PI4KB: variants seen among roughly 807,000 people sequenced by gnomAD.
The protein encoded by PI4KB is PtdIns 4-kinase beta.
A neutral mutation model predicts 81.4 loss-of-function variants in PI4KB; 23 were observed. The observed-to-expected ratio is 0.28, with a 90% CI of 0.20 to 0.40. PI4KB has a LOEUF of 0.40. Among genes scored for constraint, PI4KB ranks in the 10% least tolerant of loss-of-function variants. The pLI is 1.00. For synonymous variants in PI4KB, 381 were observed against 406.8 expected (o/e 0.94, Z 0.76); for missense variants, 651 against 1,036.6 (o/e 0.63, Z 5.11).
At chr1:151,307,521 C>A (rs1206833494) in intron 4 of PI4KB, 53 bp downstream of exon 4, 1 of 1,244,746 alleles carries the variant, frequency 8.0e-7, no homozygotes, top group East Asian at 2.4e-5. Context: ...CTCTGAACAA[C>A]CATGGGTGAA....
In PI4KB at chr1:151,292,823, C is replaced by T. The variant is rs1015719049; in HGVS notation, c.*29G>A. 36 of 1,604,470 alleles carry T rather than the reference C, an allele frequency of 2.2e-5. No homozygotes were observed. The highest frequency in any genetic ancestry group is 3.0e-5 in the Non-Finnish European group (35 of 1,173,470). ...GCCCTCTAGGGAGGGTGCCCTGGAC[C>T]CCCCACCACTCCTGGGCTGAGGAGC... On this transcript the variant is annotated 3_prime_UTR_variant, in exon 12 of 12. Coordinates refer to ENST00000368873, the MANE Select transcript of PI4KB (RefSeq NM_001369623.2).
intron 4 of PI4KB, among the ~76,000 whole-genome samples, chr1:151,306,688 G>A (rs911379062): frequency 6.6e-6 from 1 of 152,222 alleles, no homozygotes; most frequent in Non-Finnish European, 1.5e-5. Flanking sequence ...GGCTCGTCCT[G>A]AAGACAGGGC....
chr1:151,317,139 C>CTTTT (rs34628896), intron 1 of PI4KB, among the ~76,000 whole-genome samples: 2 of 126,958 alleles, frequency 1.6e-5, no homozygotes, highest in Admixed American at 8.2e-5. Context: ...TTTACAAATT[C>CTTTT]TTTTTTTTTT....
chr1:151,292,369 AG>A lies in PI4KB; in HGVS notation c.*482del, dbSNP rs1319622026. The A allele has an allele frequency of 6.4e-6, 1 of 156,386 alleles. No homozygotes were observed. The highest frequency in any genetic ancestry group is 1.9e-4 in the East Asian group (1 of 5,176). 9.7% of individuals were successfully genotyped at this position (156,386 alleles called of 1,614,324 possible). On this transcript the variant is annotated 3_prime_UTR_variant, in exon 12 of 12. Transcript: ENST00000368873. ...CTTGGGCCAGGGGTCGGTCCCTGGG[AG>A]GGGTAGGTCCCTGGGAGGGGTAGAG...
chr1:151,297,927 C>A lies in PI4KB; in HGVS notation c.2015+881G>T, dbSNP rs148873304. ...ATTTCCACCTTTCCAGGACAGCTGCCCTGTGCCGAGGGTCTAGAGCTGGAA... is the reference window on the plus strand; with the variant it reads ...ATTTCCACCTTTCCAGGACAGCTGCACTGTGCCGAGGGTCTAGAGCTGGAA... On this transcript the variant is annotated intron_variant, in intron 9 of 11. Coordinates refer to ENST00000368873, the MANE Select transcript of PI4KB (RefSeq NM_001369623.2). 4.3e-3 allele frequency among the ~76,000 whole-genome samples: 662 copies of A among 152,306 alleles called. 6 individuals carry two copies. Among genetic ancestry groups the A allele is most frequent in the Middle Eastern group, 0.014 (4 of 294 alleles).
chr1:151,320,191 G>A (rs969197953), intron 1 of PI4KB, among the ~76,000 whole-genome samples: 1 of 152,104 alleles, frequency 6.6e-6, no homozygotes, highest in Admixed American at 6.6e-5. Context: ...CCGCCACCAC[G>A]CCCGGCTAAT....
chr1:151,305,414 C>G (rs1365766487), intron 5 of PI4KB, among the ~76,000 whole-genome samples: 1 of 152,220 alleles, frequency 6.6e-6, no homozygotes, highest in East Asian at 1.9e-4. Context: ...CTTCTTACCT[C>G]ACACCTGCAC....
chr1:151,301,907 A>G lies in PI4KB; in HGVS notation c.1686T>C (p.Ile562=), dbSNP rs1291026534. ...GCCGAAGGTCATCCCCACACTTGACAATGACTGACAGGAGCCGCCAATTGG... is the reference window on the plus strand; with the variant it reads ...GCCGAAGGTCATCCCCACACTTGACGATGACTGACAGGAGCCGCCAATTGG... ...HLPNWRLLSV[I]VKCGDDLRQE... Residue 562 remains isoleucine, a synonymous_variant, in exon 8 of 12, where the codon ATT becomes ATC. Coordinates refer to ENST00000368873, the MANE Select transcript of PI4KB (RefSeq NM_001369623.2). The G allele has an allele frequency of 1.1e-5, 17 of 1,614,126 alleles. No homozygotes were observed. The highest frequency in any genetic ancestry group is 1.4e-5 in the Non-Finnish European group (17 of 1,180,038).
Position 151,316,246 on chromosome 1 carries a change from T to C in PI4KB, c.236A>G (p.Asn79Ser), listed in dbSNP as rs772948943. 2.4e-5 allele frequency: 39 copies of C among 1,614,048 alleles called. No individual in the cohort carries two copies. Among genetic ancestry groups the C allele is most frequent in the African/African-American group, 1.9e-4 (14 of 74,926 alleles). Residue 79 changes from asparagine (N) to serine (S), a missense_variant, in exon 2 of 12, where the codon AAT (asparagine) becomes AGT (serine). Physicochemically the swap from Asn to Ser is conservative, Grantham distance 46. Transcript: ENST00000368873. ...GATCTCACTGTCCACACCATCCCCA[T>C]TGACCAACTCCAGTGGGGTGCCTCT... ...SSRGTPLELV[N>S]GDGVDSEIRC... is the part of the protein sequence containing the mutation.
At position 151,315,767 on chromosome 1, in the gene PI4KB, G is replaced by C. The variant is rs771365508; in HGVS notation, c.715C>G (p.Leu239Val). 4 of 1,613,246 alleles carry C rather than the reference G, an allele frequency of 2.5e-6. No individual in the cohort carries two copies. The highest frequency in any genetic ancestry group is 8.5e-7 in the Non-Finnish European group (1 of 1,179,422). ...RHSRGTKLRK[L>V]ILSDELKPAH... Reference sequence around the variant, plus strand: ...GGCTTTAGCTCATCTGAGAGGATCAGCTTCCGTAGCTTGGTCCCACGGGAG... The same window carrying C: ...GGCTTTAGCTCATCTGAGAGGATCACCTTCCGTAGCTTGGTCCCACGGGAG... The change falls in exon 2 of 12, where the codon CTG becomes GTG. Residue 239 changes from leucine (L) to valine (V), a missense_variant. Transcript: ENST00000368873.
At chr1:151,307,141 C>T (rs1394198845) in intron 4 of PI4KB, among the ~76,000 whole-genome samples, 1 of 152,150 alleles carries the variant, frequency 6.6e-6, no homozygotes. Flanking sequence ...AGCTAATTCT[C>T]TCCAGTGTGA....
At chr1:151,320,419 G>A (rs1379847129) in intron 1 of PI4KB, among the ~76,000 whole-genome samples, 4 of 152,296 alleles carry the variant, frequency 2.6e-5, no homozygotes, top group Admixed American at 2.6e-4. Context: ...AAAGACGGAT[G>A]GGGAACTCTT....
chr1:151,299,717 T>TTAGGTC (rs1344879894), intron 8 of PI4KB, among the ~76,000 whole-genome samples: 3 of 151,790 alleles, frequency 2.0e-5, no homozygotes. Flanking sequence ...AGGAAAGGAT[T>TTAGGTC]TAGGTCCAGA....
chr1:151,326,125 C>T, intron 1 of PI4KB: 1 of 1,583,198 alleles, frequency 6.3e-7, no homozygotes, highest in Non-Finnish European at 8.7e-7. Context: ...TCTGTGATTC[C>T]TTTAACAAAA....
At chr1:151,319,620 A>T (rs1160923526) in intron 1 of PI4KB, among the ~76,000 whole-genome samples, 3 of 152,214 alleles carry the variant, frequency 2.0e-5, no homozygotes, top group Admixed American at 6.5e-5. Flanking sequence ...GTTGGAAGGA[A>T]GTTCAATGAA....
intron 5 of PI4KB, among the ~76,000 whole-genome samples, chr1:151,304,942 G>A (rs1215641016): frequency 6.6e-6 from 1 of 150,906 alleles, no homozygotes; most frequent in Admixed American, 6.6e-5. Context: ...TAATTCTACT[G>A]CCTCAGCCTC....
intron 1 of PI4KB, chr1:151,326,454 A>C (rs1346871616): frequency 2.4e-6 from 1 of 415,210 alleles, no homozygotes; most frequent in African/African-American, 2.1e-5. Context: ...AAATGTCACA[A>C]GGATCAGAGA....
rs192769014 is a variant in PI4KB, at chr1:151,296,616, G to A, written c.2016-2075C>T. 8.1e-3 allele frequency among the ~76,000 whole-genome samples: 1,210 copies of A among 150,146 alleles called. 14 individuals carry two copies. The highest frequency in any genetic ancestry group is 0.028 in the African/African-American group (1,136 of 40,824). ...CTCCCAAGTAGCTGGGAATACAGGCGCCCGCCACCACACCCAGCTAATTTT... is the reference window on the plus strand; with the variant it reads ...CTCCCAAGTAGCTGGGAATACAGGCACCCGCCACCACACCCAGCTAATTTT... On this transcript the variant is annotated intron_variant, in intron 9 of 11. Transcript: ENST00000368873.
At chr1:151,325,757 C>T (rs1052118520) in intron 1 of PI4KB, among the ~76,000 whole-genome samples, 8 of 152,206 alleles carry the variant, frequency 5.3e-5, no homozygotes, top group Admixed American at 2.0e-4. Context: ...TAAACCACTA[C>T]TAATAAATAC....
Sources: gnomAD v4.1 joint callset for allele counts (sites outside exome capture counted in the v4.1 genomes callset) on GRCh38, gnomAD v4.1.1 for gene constraint, MANE v1.5 for transcripts, NCBI Gene and HGNC (gene_info 2026-07-23, HGNC 2026-07-21) for gene names.